Variants in CDH13 observed in about 807,000 individuals in gnomAD.
The protein encoded by CDH13 is cadherin 13.
A neutral mutation model predicts 63.8 loss-of-function variants in CDH13; 24 were observed. The ratio of observed to expected loss-of-function variants is 0.38; its 90% CI spans 0.27 to 0.53. The LOEUF (loss-of-function observed/expected upper bound fraction) is 0.53, where lower values mean the gene tolerates loss of function less well. Among genes scored for constraint, CDH13 ranks in the 20% least tolerant of loss-of-function variants. CDH13 has a pLI of 0.85. For synonymous variants in CDH13, 503 were observed against 355.3 expected (o/e 1.42, Z -4.67); for missense variants, 1,049 against 903.1 (o/e 1.16, Z -2.07).
At chr16:83,004,386 T>A (rs980745823) in intron 2 of CDH13, among the ~76,000 whole-genome samples, 1 of 152,186 alleles carries the variant, frequency 6.6e-6, no homozygotes, top group Non-Finnish European at 1.5e-5. Flanking sequence ...TAATAAAGAA[T>A]GCTACAAAAA....
chr16:83,184,087 TAAAC>T (rs1170978962), intron 4 of CDH13, among the ~76,000 whole-genome samples: 2 of 71,928 alleles, frequency 2.8e-5, no homozygotes, highest in African/African-American at 6.1e-5. Flanking sequence ...CTCTAGAGGT[TAAAC>T]ACACACACAC....
chr16:82,754,876 G>A (rs931540176), intron 1 of CDH13, among the ~76,000 whole-genome samples: 1 of 152,194 alleles, frequency 6.6e-6, no homozygotes, highest in African/African-American at 2.4e-5. Flanking sequence ...AGCCAAGAGT[G>A]CATAGAAAGG....
chr16:82,837,129 G>A (rs988528616), intron 1 of CDH13, among the ~76,000 whole-genome samples: 5 of 152,196 alleles, frequency 3.3e-5, no homozygotes, highest in Admixed American at 2.6e-4. Context: ...GGCAGTTTGG[G>A]CACTGTGGGT....
chr16:83,181,181 A>G, intron 4 of CDH13: 1 of 568,206 alleles, frequency 1.8e-6, no homozygotes, highest in Non-Finnish European at 2.9e-6. Context: ...TTTGCAGCCA[A>G]GAAATGAGGC....
chr16:83,571,199 C>T (rs1405856052), intron 7 of CDH13, among the ~76,000 whole-genome samples: 4 of 151,956 alleles, frequency 2.6e-5, no homozygotes, highest in Non-Finnish European at 5.9e-5. Flanking sequence ...CCAATTTGCT[C>T]CATATGGATT....
At chr16:83,143,879 A>G (rs2036637706) in intron 4 of CDH13, among the ~76,000 whole-genome samples, 1 of 151,912 alleles carries the variant, frequency 6.6e-6, no homozygotes, top group African/African-American at 2.4e-5. Flanking sequence ...TTTGAAGTTG[A>G]TGTCGGCTGG....
chr16:82,639,658 A>G (rs1324605865), intron 1 of CDH13, among the ~76,000 whole-genome samples: 2 of 152,214 alleles, frequency 1.3e-5, no homozygotes, highest in African/African-American at 2.4e-5. Context: ...TGGCAATTGG[A>G]TTGAATGTAA....
At chr16:83,146,159 A>C (rs1339945751) in intron 4 of CDH13, among the ~76,000 whole-genome samples, 1 of 143,656 alleles carries the variant, frequency 7.0e-6, no homozygotes, top group Non-Finnish European at 1.5e-5. Context: ...GTGCCACTGC[A>C]CTCCAGCCTG....
intron 1 of CDH13, among the ~76,000 whole-genome samples, chr16:82,683,508 C>T (rs1914763660): frequency 1.3e-5 from 2 of 152,182 alleles, no homozygotes; most frequent in Admixed American, 6.5e-5. Context: ...GCCTTCTCTT[C>T]CCTAATTATA....
At position 83,507,091 on chromosome 16, in the gene CDH13, TTC is replaced by T. The variant is rs374980828; in HGVS notation, c.960+20440_960+20441del. 5.5e-4 allele frequency among the ~76,000 whole-genome samples: 84 copies of T among 152,354 alleles called. No homozygotes were observed. The East Asian group carries it at 0.016, about 29-fold the overall frequency. ...TTCACCAGCTAAAATTGCTGCTCAT[TTC>T]TCTGTTACCCCCCAAACCTGGTGTG... On this transcript the variant is annotated intron_variant, in intron 7 of 13. Coordinates refer to ENST00000567109, the MANE Select transcript of CDH13 (RefSeq NM_001257.5).
chr16:82,769,069 T>C (rs2035165806), intron 1 of CDH13, among the ~76,000 whole-genome samples: 1 of 152,208 alleles, frequency 6.6e-6, no homozygotes, highest in Non-Finnish European at 1.5e-5. Context: ...TGGTTAGGTA[T>C]AATCTTCTGT....
chr16:82,659,681 G>A (rs1459217232), intron 1 of CDH13, among the ~76,000 whole-genome samples: 1 of 152,078 alleles, frequency 6.6e-6, no homozygotes, highest in East Asian at 1.9e-4. Context: ...AATACAATGG[G>A]GGTAACATGG....
intron 5 of CDH13, among the ~76,000 whole-genome samples, chr16:83,219,347 G>A (rs1181263358): frequency 3.3e-5 from 5 of 152,186 alleles, no homozygotes; most frequent in Non-Finnish European, 7.3e-5. Flanking sequence ...TATTACGGTA[G>A]TTAAAAGCAT....
intron 3 of CDH13, among the ~76,000 whole-genome samples, chr16:83,034,929 G>T (rs1007892277): frequency 6.6e-6 from 1 of 152,062 alleles, no homozygotes; most frequent in African/African-American, 2.4e-5. Context: ...GCCTGTGATT[G>T]TTTTTGCTTC....
chr16:82,692,175 G>A (rs1319766329), intron 1 of CDH13, among the ~76,000 whole-genome samples: 1 of 152,202 alleles, frequency 6.6e-6, no homozygotes, highest in East Asian at 1.9e-4. Context: ...TAAGCTGCAG[G>A]AAGAAATAGG....
At chr16:82,725,235 G>A (rs570503610) in intron 1 of CDH13, among the ~76,000 whole-genome samples, 4 of 152,090 alleles carry the variant, frequency 2.6e-5, no homozygotes, top group African/African-American at 7.2e-5. Context: ...TGCAAATAAC[G>A]TACATATGTC....
intron 7 of CDH13, among the ~76,000 whole-genome samples, chr16:83,565,027 C>T (rs12443545): frequency 0.21 from 32,423 of 152,118 alleles, 3,452 homozygotes; most frequent in Admixed American, 0.25. Flanking sequence ...GGCAACTTCT[C>T]ATTTTATCTC....
intron 3 of CDH13, among the ~76,000 whole-genome samples, chr16:83,049,025 C>G (rs1441103113): frequency 6.6e-6 from 1 of 152,166 alleles, no homozygotes; most frequent in African/African-American, 2.4e-5. Flanking sequence ...CAGCTGATTT[C>G]CCTCAACTGT....
chr16:83,408,075 G>GAA (rs2092073605), intron 6 of CDH13, among the ~76,000 whole-genome samples: 1 of 152,180 alleles, frequency 6.6e-6, no homozygotes, highest in African/African-American at 2.4e-5. Context: ...AGATTTAGCT[G>GAA]TGTTGGGGAC....
Sources: allele counts gnomAD v4.1 joint callset (sites outside exome capture counted in the v4.1 genomes callset), GRCh38; gene constraint gnomAD v4.1.1; transcripts MANE v1.5; gene names NCBI Gene and HGNC (gene_info 2026-07-23, HGNC 2026-07-21).